Variants in PKHD1 observed in about 807,000 individuals in gnomAD.
The protein encoded by PKHD1 is PKHD1 ciliary IPT domain containing fibrocystin/polyductin.
Under a neutral mutation model 412.0 loss-of-function variants are expected in PKHD1, and 291 were observed. That is an observed-to-expected ratio of 0.71 (90% confidence interval 0.64 to 0.78). PKHD1 has a LOEUF of 0.78. Ranked by LOEUF, PKHD1 falls within the 30% of genes least tolerant of loss-of-function variation. The pLI is 0.00. For synonymous variants in PKHD1, 1,777 were observed against 1,821.5 expected (o/e 0.98, Z 0.62); for missense variants, 4,825 against 4,950.7 (o/e 0.97, Z 0.76).
chr6:51,870,705 T>G (rs1775849391), intron 46 of PKHD1, 66 bp from the exon 47 acceptor site: 1 of 1,240,478 alleles, frequency 8.1e-7, no homozygotes, highest in African/African-American at 1.5e-5. Context: ...ATACAATTCA[T>G]AATGCATGAA....
chr6:51,824,288 C>T (rs1039833706), intron 52 of PKHD1, among the ~76,000 whole-genome samples: 2 of 151,994 alleles, frequency 1.3e-5, no homozygotes, highest in African/African-American at 4.8e-5. Flanking sequence ...TATAGCAAAG[C>T]ACTTTATACT....
Position 52,056,911 on chromosome 6 carries a change from AG to A in PKHD1, c.1580del (p.Pro527LeufsTer8). The A allele has an allele frequency of 6.2e-7, 1 of 1,613,596 alleles. No individual in the cohort carries two copies. Among genetic ancestry groups the A allele is most frequent in the African/African-American group, 1.3e-5 (1 of 75,034 alleles). ...TWDNVSSQPI[P>X]ANATAHLIQT... ...CCACCAGATGGGCTGTGGCATTTGCAGGGATTGGCTGACTAGAGACATTGTC... is the reference window on the plus strand; with the variant it reads ...CCACCAGATGGGCTGTGGCATTTGCAGGATTGGCTGACTAGAGACATTGTC... On this transcript the variant is annotated frameshift_variant, in exon 17 of 67. Coordinates refer to ENST00000371117, the MANE Select transcript of PKHD1 (RefSeq NM_138694.4). LOFTEE classifies it high-confidence loss of function.
chr6:51,894,046 C>T (rs1779511164), intron 43 of PKHD1, among the ~76,000 whole-genome samples: 1 of 152,158 alleles, frequency 6.6e-6, no homozygotes, highest in Non-Finnish European at 1.5e-5. Context: ...AGAGCAAAGA[C>T]TTCCCAACCA....
intron 35 of PKHD1, among the ~76,000 whole-genome samples, chr6:52,001,432 C>CTTT (rs781084036): frequency 7.1e-6 from 1 of 140,244 alleles, no homozygotes; most frequent in Non-Finnish European, 1.6e-5. Context: ...GAATTTCTTC[C>CTTT]TTTTTTTTTT....
chr6:51,847,963 G>A lies in PKHD1; in HGVS notation c.7919C>T (p.Ala2640Val), dbSNP rs1322497290. Reference protein sequence around the residue: ...LWINRSLQYSATFDNFAPGNY... With the variant: ...LWINRSLQYSVTFDNFAPGNY... Reference sequence around the variant, plus strand: ...ACCAGGAGCAAAGTTGTCAAAGGTTGCTGAGTACTTGAAGTGAAAGAAAAA... The same window carrying A: ...ACCAGGAGCAAAGTTGTCAAAGGTTACTGAGTACTTGAAGTGAAAGAAAAA... The change falls in exon 50 of 67, where the codon GCA (alanine) becomes GTA (valine). Residue 2640 changes from alanine to valine, a missense_variant. Coordinates refer to ENST00000371117, the MANE Select transcript of PKHD1 (RefSeq NM_138694.4). The A allele has an allele frequency of 1.2e-6, 2 of 1,612,614 alleles. No individual in the cohort carries two copies. The highest frequency in any genetic ancestry group is 2.2e-5 in the East Asian group (1 of 44,878).
chr6:51,680,830 G>A (rs1035739693), intron 60 of PKHD1, among the ~76,000 whole-genome samples: 6 of 151,940 alleles, frequency 3.9e-5, no homozygotes, highest in East Asian at 1.9e-4. Flanking sequence ...ATAAATGAAC[G>A]GTTAACGTTT....
Position 51,938,531 on chromosome 6 carries a change from T to C in PKHD1, c.5909-4209A>G, listed in dbSNP as rs578167800. The stretch of plus-strand genomic sequence containing the variant: ...TGCCCGCCAGAGAACAACCCCCCTT[T>C]TTCCTTTACCTCCCCAAATCTTATA... On this transcript the variant is annotated intron_variant, in intron 36 of 66. Coordinates refer to ENST00000371117, the MANE Select transcript of PKHD1 (RefSeq NM_138694.4). Among the ~76,000 whole-genome samples, 138 of 120,816 alleles carry C rather than the reference T, an allele frequency of 1.1e-3. 1 individual carries two copies. Among genetic ancestry groups the C allele is most frequent in the Non-Finnish European group, 1.9e-3 (112 of 59,694 alleles). 79.3% of individuals were successfully genotyped at this position (120,816 alleles called of 152,430 possible).
intron 43 of PKHD1, among the ~76,000 whole-genome samples, chr6:51,898,071 T>G (rs1402907172): frequency 6.7e-6 from 1 of 149,772 alleles, no homozygotes; most frequent in Non-Finnish European, 1.5e-5. Flanking sequence ...AATGGGAGAC[T>G]TTAACACCCC....
At chr6:51,982,182 A>AGGGT (rs2077457773) in intron 35 of PKHD1, among the ~76,000 whole-genome samples, 1 of 27,154 alleles carries the variant, frequency 3.7e-5, no homozygotes, top group Non-Finnish European at 8.0e-5. Context: ...TCCGGGAGGG[A>AGGGT]GGTGGGGGGG....
intron 60 of PKHD1, among the ~76,000 whole-genome samples, chr6:51,741,759 C>T (rs1036620284): frequency 1.3e-5 from 2 of 152,204 alleles, no homozygotes; most frequent in African/African-American, 4.8e-5. Flanking sequence ...GATCGCCCCC[C>T]ATTAAACTAC....
intron 31 of PKHD1, 83 bp downstream of exon 31, chr6:52,027,746 C>G: frequency 9.4e-7 from 1 of 1,066,932 alleles, no homozygotes; most frequent in Non-Finnish European, 1.5e-6. Flanking sequence ...ACCTCACTGG[C>G]AAATTAATCC....
intron 43 of PKHD1, among the ~76,000 whole-genome samples, chr6:51,891,567 C>A (rs1233670798): frequency 1.3e-5 from 2 of 152,130 alleles, no homozygotes; most frequent in Non-Finnish European, 2.9e-5. Flanking sequence ...GCATGAGGCA[C>A]CGTGCCCAGC....
chr6:52,023,065 C>T, intron 32 of PKHD1, 121 bp from the exon 33 acceptor site: 3 of 1,179,706 alleles, frequency 2.5e-6, no homozygotes, highest in East Asian at 4.8e-5. Flanking sequence ...TCAGAATCCG[C>T]ACAACTGGCT....
intron 60 of PKHD1, among the ~76,000 whole-genome samples, chr6:51,732,101 AATG>A (rs1288823176): frequency 6.6e-6 from 1 of 152,186 alleles, no homozygotes; most frequent in Non-Finnish European, 1.5e-5. Flanking sequence ...TACATATTAA[AATG>A]ATGATTTTTA....
chr6:51,861,197 T>C (rs1774135875), intron 48 of PKHD1, among the ~76,000 whole-genome samples: 1 of 152,214 alleles, frequency 6.6e-6, no homozygotes, highest in Admixed American at 6.5e-5. Flanking sequence ...AGTACCAATT[T>C]ACCATACTAG....
At chr6:51,750,844 T>C (rs1298846442) in intron 57 of PKHD1, among the ~76,000 whole-genome samples, 1 of 152,154 alleles carries the variant, frequency 6.6e-6, no homozygotes, top group African/African-American at 2.4e-5. Context: ...TGGCATGATC[T>C]CAGCTCACTG....
rs887658417 is a variant in PKHD1, at chr6:51,754,844, C to T, written c.8737G>A (p.Val2913Met). The T allele has an allele frequency of 1.7e-5, 28 of 1,613,304 alleles. No individual in the cohort carries two copies. Among genetic ancestry groups the T allele is most frequent in the Non-Finnish European group, 2.0e-5 (24 of 1,179,432 alleles). ...ACATGGTGGCCCTTGACTTCTTTCA[C>T]AGTGAGGACCTCTGCTTCATGAGGC... ...YEPHEAEVLT[V>M]KEVKGHHVRI... Residue 2913 changes from valine (V) to methionine (M), a missense_variant, in exon 56 of 67, where the codon GTG (valine) becomes ATG (methionine). Transcript: ENST00000371117.
intron 15 of PKHD1, among the ~76,000 whole-genome samples, chr6:52,058,960 T>C (rs375505902): frequency 6.6e-6 from 1 of 152,308 alleles, no homozygotes; most frequent in South Asian, 2.1e-4. Context: ...TCAAAATCTA[T>C]GACATTTCTC....
chr6:51,979,354 A>C (rs576934877), intron 35 of PKHD1, among the ~76,000 whole-genome samples: 1 of 152,320 alleles, frequency 6.6e-6, no homozygotes, highest in African/African-American at 2.4e-5. Context: ...CACTTGGTAC[A>C]TGGTAGGTTT....
Sources: gnomAD v4.1 joint callset for allele counts (sites outside exome capture counted in the v4.1 genomes callset) on GRCh38, gnomAD v4.1.1 for gene constraint, MANE v1.5 for transcripts, NCBI Gene and HGNC (gene_info 2026-07-23, HGNC 2026-07-21) for gene names.